Variants in EGFR observed in about 807,000 individuals in gnomAD.
EGFR encodes the protein avian erythroblastic leukemia viral (v-erb-b) oncogene homolog.
A neutral mutation model predicts 143.0 loss-of-function variants in EGFR; 58 were observed. The ratio of observed to expected loss-of-function variants is 0.41; its 90% CI spans 0.33 to 0.50. The LOEUF (loss-of-function observed/expected upper bound fraction) is 0.50. Ranked by LOEUF, EGFR falls within the 20% of genes least tolerant of loss-of-function variation. The pLI, the probability that EGFR is intolerant of heterozygous loss-of-function variation, is 0.39. For synonymous variants in EGFR, 613 were observed against 594.4 expected, an observed-to-expected ratio of 1.03 and a Z score of -0.45; for missense variants, 1,307 against 1,579.0, an observed-to-expected ratio of 0.83 and a Z score of 2.92.
chr7:55,177,671 G>C (rs9642391), intron 19 of EGFR, among the ~76,000 whole-genome samples: 38,569 of 152,146 alleles, frequency 0.25, 5,992 homozygotes, highest in East Asian at 0.61. Context: ...GGAACCAAAA[G>C]TCATGTCAGC....
In EGFR at chr7:55,143,488, G is replaced by A. The variant is rs2128927602; in HGVS notation, c.424G>A (p.Glu142Lys). 5 of 1,614,192 alleles carry A rather than the reference G, an allele frequency of 3.1e-6. No homozygotes were observed. The highest frequency in any genetic ancestry group is 3.3e-5 in the Admixed American group (2 of 60,028). The change falls in exon 3 of 28, where the codon GAA (glutamate) becomes AAA (lysine). Residue 142 changes from glutamate to lysine, a missense_variant and splice_region_variant. This residue lies in a region of EGFR where 311 missense variants were observed against 412.3 expected (regional missense o/e 0.75). Coordinates refer to ENST00000275493, the MANE Select transcript of EGFR (RefSeq NM_005228.5). ...GGAGCTGCCCATGAGAAATTTACAG[G>A]GTGAGAGGCTGGGATGCCAAGGCTG... Reference protein sequence around the residue: ...LKELPMRNLQEILHGAVRFSN... With the variant: ...LKELPMRNLQKILHGAVRFSN...
At chr7:55,100,269 A>G (rs901960905) in intron 1 of EGFR, among the ~76,000 whole-genome samples, 1 of 152,236 alleles carries the variant, frequency 6.6e-6, no homozygotes, top group African/African-American at 2.4e-5. Flanking sequence ...AATTTTAATT[A>G]TGTCAGGCAC....
chr7:55,119,788 CT>C (rs1793088479), intron 1 of EGFR, among the ~76,000 whole-genome samples: 1 of 152,294 alleles, frequency 6.6e-6, no homozygotes, highest in African/African-American at 2.4e-5. Context: ...TTGAAAGGTC[CT>C]TCTATTGGAG....
intron 1 of EGFR, among the ~76,000 whole-genome samples, chr7:55,115,449 A>C (rs952241603): frequency 5.3e-5 from 8 of 152,232 alleles, no homozygotes; most frequent in Non-Finnish European, 1.2e-4. Flanking sequence ...TCGTTTTAAC[A>C]TATATTTATT....
intron 1 of EGFR, among the ~76,000 whole-genome samples, chr7:55,049,027 T>C (rs1195081037): frequency 1.3e-5 from 2 of 152,158 alleles, no homozygotes; most frequent in Non-Finnish European, 2.9e-5. Context: ...GCATCAAAGA[T>C]GGCACTCTAA....
At chr7:55,048,260 A>AT (rs1229954567) in intron 1 of EGFR, among the ~76,000 whole-genome samples, 1 of 152,158 alleles carries the variant, frequency 6.6e-6, no homozygotes, top group Admixed American at 6.5e-5. Context: ...AGGCATCTGC[A>AT]TGGGTGACAC....
chr7:55,147,347 G>C (rs536829312), intron 4 of EGFR, among the ~76,000 whole-genome samples: 1 of 152,364 alleles, frequency 6.6e-6, no homozygotes, highest in Admixed American at 6.5e-5. Context: ...ACTGATGGGG[G>C]ACTCTGAGAC....
chr7:55,169,119 G>A (rs1207451659), intron 15 of EGFR, among the ~76,000 whole-genome samples: 2 of 148,524 alleles, frequency 1.3e-5, no homozygotes, highest in African/African-American at 2.5e-5. Context: ...TTTTTTTGTC[G>A]AGACGGAGTC....
chr7:55,113,121 G>A (rs150759426), intron 1 of EGFR, among the ~76,000 whole-genome samples: 5 of 152,278 alleles, frequency 3.3e-5, no homozygotes, highest in African/African-American at 1.2e-4. Flanking sequence ...ATTCCTGTAT[G>A]TTGTAGAAAG....
At chr7:55,079,231 C>T (rs764871888) in intron 1 of EGFR, among the ~76,000 whole-genome samples, 1 of 152,162 alleles carries the variant, frequency 6.6e-6, no homozygotes, top group Non-Finnish European at 1.5e-5. Flanking sequence ...AGAGGAGAGG[C>T]CAGGCACGGG....
At chr7:55,174,925 T>C in intron 19 of EGFR, 105 bp downstream of exon 19, 1 of 850,556 alleles carries the variant, frequency 1.2e-6, no homozygotes, top group East Asian at 2.6e-5. Context: ...CATCTCCACA[T>C]CCTAAATGTT....
In EGFR at chr7:55,206,697, T is replaced by C. The variant is rs940050115; in HGVS notation, c.*1080T>C. ...AGTTTGTGTTACTTATGGAAGATAG[T>C]TTTCTCCTTTTACTTCACTTCAAAA... On this transcript the variant is annotated 3_prime_UTR_variant, in exon 28 of 28. Coordinates refer to ENST00000275493, the MANE Select transcript of EGFR (RefSeq NM_005228.5). 8.6e-6 allele frequency: 2 copies of C among 233,028 alleles called. No individual in the cohort carries two copies. Among genetic ancestry groups the C allele is most frequent in the Non-Finnish European group, 8.5e-6 (1 of 118,036 alleles). 14.4% of individuals were successfully genotyped at this position (233,028 alleles called of 1,614,324 possible). A position where few individuals can be genotyped will look rare whatever the true frequency, so the allele number is the denominator to read the frequency against.
intron 1 of EGFR, among the ~76,000 whole-genome samples, chr7:55,042,858 A>C (rs778636237): frequency 3.3e-5 from 5 of 152,178 alleles, no homozygotes; most frequent in Non-Finnish European, 7.4e-5. Context: ...GGAAATTAGC[A>C]TTGCAAATGA....
At chr7:55,033,266 TACCGAAAAA>T (rs1453319941) in intron 1 of EGFR, among the ~76,000 whole-genome samples, 1 of 152,224 alleles carries the variant, frequency 6.6e-6, no homozygotes, top group Non-Finnish European at 1.5e-5. Flanking sequence ...AAAGCAAATG[TACCGAAAAA>T]ATCTTAAGAC....
intron 1 of EGFR, among the ~76,000 whole-genome samples, chr7:55,138,817 G>A (rs1047786152): frequency 6.6e-6 from 1 of 152,202 alleles, no homozygotes; most frequent in African/African-American, 2.4e-5. Flanking sequence ...TTGGCTCATG[G>A]TTCTGGTGGC....
chr7:55,192,382 C>T (rs1787436359), intron 21 of EGFR, among the ~76,000 whole-genome samples: 5 of 152,164 alleles, frequency 3.3e-5, no homozygotes, highest in Admixed American at 3.3e-4. Flanking sequence ...CCCTGTCAGG[C>T]CCTCGAATGC....
chr7:55,079,221 AGAG>A lies in EGFR; in HGVS notation c.88+59860_88+59862del, dbSNP rs1329589756. On this transcript the variant is annotated intron_variant, in intron 1 of 27. Coordinates refer to ENST00000275493, the MANE Select transcript of EGFR (RefSeq NM_005228.5). ...TCGAGATGGGGAAGGAAAGGTCAGAAGAGGAGAGGCCAGGCACGGGGTGTGGGC... is the reference window on the plus strand; with the variant it reads ...TCGAGATGGGGAAGGAAAGGTCAGAAGAGAGGCCAGGCACGGGGTGTGGGC... Among the ~76,000 whole-genome samples, 5 of 152,010 alleles carry A rather than the reference AGAG, an allele frequency of 3.3e-5. No homozygotes were observed. In the East Asian group the frequency reaches 9.7e-4, roughly 30 times the overall value.
At chr7:55,184,260 G>A (rs6944906) in intron 20 of EGFR, among the ~76,000 whole-genome samples, 89,829 of 151,500 alleles carry the variant, frequency 0.59, 27,466 homozygotes, top group Middle Eastern at 0.69. Flanking sequence ...GATCCCCTTT[G>A]GCTGACCTAG....
At chr7:55,188,529 T>A (rs757992962) in intron 20 of EGFR, among the ~76,000 whole-genome samples, 1 of 152,184 alleles carries the variant, frequency 6.6e-6, no homozygotes, top group Non-Finnish European at 1.5e-5. Flanking sequence ...AGTTTTCCTG[T>A]AGTAATTAAC....
Sources: gnomAD v4.1 joint callset for allele counts (sites outside exome capture counted in the v4.1 genomes callset) on GRCh38, gnomAD v4.1.1 for gene constraint, gnomAD v4.1.1 regional missense constraint, MANE v1.5 for transcripts, NCBI Gene and HGNC (gene_info 2026-07-23, HGNC 2026-07-21) for gene names.